NBEA: variants seen among roughly 807,000 people sequenced by gnomAD.
NBEA encodes neurobeachin, also known as lysosomal-trafficking regulator 2.
A neutral mutation model predicts 343.4 loss-of-function variants in NBEA; 44 were observed. That is an observed-to-expected ratio of 0.13 (90% confidence interval 0.10 to 0.16). NBEA has a LOEUF of 0.16. Ranked by LOEUF, NBEA falls within the 10% of genes least tolerant of loss-of-function variation. The pLI, the probability that NBEA is intolerant of heterozygous loss-of-function variation, is 1.00. For synonymous variants in NBEA, 1,175 were observed against 1,238.7 expected (o/e 0.95, Z 1.08); for missense variants, 2,555 against 3,631.3 (o/e 0.70, Z 7.62).
At chr13:35,054,617 T>G (rs1449967977) in intron 6 of NBEA, among the ~76,000 whole-genome samples, 27 of 151,468 alleles carry the variant, frequency 1.8e-4, no homozygotes, top group Admixed American at 1.8e-3. Flanking sequence ...ATACACTGTT[T>G]TTTTTTTCTT....
intron 41 of NBEA, among the ~76,000 whole-genome samples, chr13:35,549,906 A>C (rs1355235349): frequency 6.6e-6 from 1 of 152,206 alleles, no homozygotes; most frequent in Non-Finnish European, 1.5e-5. Flanking sequence ...TTTTGTTGGA[A>C]TACTTCCATA....
intron 1 of NBEA, among the ~76,000 whole-genome samples, chr13:35,030,701 C>A (rs1222845108): frequency 2.6e-5 from 4 of 151,626 alleles, no homozygotes; most frequent in Non-Finnish European, 5.9e-5. Context: ...CAGCAGTTAG[C>A]CTCTTTAACA....
At chr13:34,981,228 A>G (rs1265540608) in intron 1 of NBEA, among the ~76,000 whole-genome samples, 1 of 151,924 alleles carries the variant, frequency 6.6e-6, no homozygotes, top group East Asian at 1.9e-4. Context: ...AGGCTCATCT[A>G]TTTTCCTTTT....
intron 31 of NBEA, among the ~76,000 whole-genome samples, chr13:35,207,228 G>C (rs1258820719): frequency 1.3e-5 from 2 of 151,466 alleles, no homozygotes; most frequent in Non-Finnish European, 2.9e-5. Flanking sequence ...ACTTATTTGT[G>C]GAAAAAAAAG....
chr13:34,986,943 C>T (rs1337469374), intron 1 of NBEA, among the ~76,000 whole-genome samples: 6 of 150,960 alleles, frequency 4.0e-5, no homozygotes, highest in African/African-American at 1.2e-4. Context: ...ATACAGCACA[C>T]TGATGGGTCT....
chr13:35,526,641 A>T (rs954201254), intron 41 of NBEA, among the ~76,000 whole-genome samples: 1 of 152,106 alleles, frequency 6.6e-6, no homozygotes, highest in Non-Finnish European at 1.5e-5. Flanking sequence ...GCTTGGGCCC[A>T]CTGGGCTTGT....
chr13:35,079,297 G>A (rs899679022), intron 10 of NBEA, among the ~76,000 whole-genome samples: 1 of 152,102 alleles, frequency 6.6e-6, no homozygotes, highest in African/African-American at 2.4e-5. Flanking sequence ...CTGTATATGT[G>A]CCTTCTTTTG....
At chr13:35,438,401 G>T (rs193011250) in intron 39 of NBEA, among the ~76,000 whole-genome samples, 444 of 152,254 alleles carry the variant, frequency 2.9e-3, no homozygotes, top group Middle Eastern at 0.014. Flanking sequence ...AGTGAGAATA[G>T]AAAAATACTA....
chr13:35,224,603 T>G (rs965147380), intron 33 of NBEA, among the ~76,000 whole-genome samples: 6 of 152,298 alleles, frequency 3.9e-5, no homozygotes, highest in Admixed American at 6.5e-5. Flanking sequence ...TACCATTGTT[T>G]CTTCTTTACA....
chr13:35,213,202 A>G (rs1028050902), intron 33 of NBEA, among the ~76,000 whole-genome samples: 5 of 152,044 alleles, frequency 3.3e-5, no homozygotes, highest in Admixed American at 2.6e-4. Flanking sequence ...AAGATGACCC[A>G]GCACCATTTA....
chr13:34,960,782 G>C (rs539425881), intron 1 of NBEA, among the ~76,000 whole-genome samples: 1 of 152,020 alleles, frequency 6.6e-6, no homozygotes, highest in East Asian at 1.9e-4. Context: ...AGTACACTCT[G>C]ATATTTGTAC....
At chr13:35,085,503 T>C (rs1306016416) in intron 10 of NBEA, among the ~76,000 whole-genome samples, 6 of 152,144 alleles carry the variant, frequency 3.9e-5, no homozygotes, top group Admixed American at 3.9e-4. Context: ...TCTCAATAGA[T>C]GCAGAAAAGA....
intron 41 of NBEA, among the ~76,000 whole-genome samples, chr13:35,522,184 C>T (rs1156942567): frequency 6.6e-6 from 1 of 151,674 alleles, no homozygotes; most frequent in Non-Finnish European, 1.5e-5. Flanking sequence ...TGGCTGGGCA[C>T]GGTGGCTCAT....
At chr13:35,137,974 T>G (rs1269130383) in intron 17 of NBEA, among the ~76,000 whole-genome samples, 1 of 152,070 alleles carries the variant, frequency 6.6e-6, no homozygotes, top group East Asian at 1.9e-4. Flanking sequence ...GGAAAATATT[T>G]GTAAATGAGT....
chr13:35,198,560 A>G (rs1308385276), intron 31 of NBEA, among the ~76,000 whole-genome samples: 1 of 152,166 alleles, frequency 6.6e-6, no homozygotes, highest in Non-Finnish European at 1.5e-5. Flanking sequence ...TTTAAGAAAA[A>G]TACAGCTTTT....
intron 26 of NBEA, among the ~76,000 whole-genome samples, 174 bp from the exon 27 acceptor site, chr13:35,173,290 G>C (rs1345229536): frequency 6.6e-6 from 1 of 151,838 alleles, no homozygotes; most frequent in Non-Finnish European, 1.5e-5. Context: ...TATTTTGTAG[G>C]TACTTTCACT....
At chr13:35,177,173 A>G (rs537121099) in intron 28 of NBEA, 70 bp downstream of exon 28, 18 of 1,210,636 alleles carry the variant, frequency 1.5e-5, no homozygotes, top group Admixed American at 2.1e-5. Flanking sequence ...ACGTTTTATA[A>G]GAAAGCTGCT....
At chr13:35,193,388 A>G (rs987206252) in intron 30 of NBEA, among the ~76,000 whole-genome samples, 1 of 151,926 alleles carries the variant, frequency 6.6e-6, no homozygotes, top group African/African-American at 2.4e-5. Flanking sequence ...TAAATATCTT[A>G]GAGATTCTGT....
At chr13:35,135,865 T>C (rs2067694572) in intron 17 of NBEA, among the ~76,000 whole-genome samples, 1 of 151,904 alleles carries the variant, frequency 6.6e-6, no homozygotes, top group South Asian at 2.1e-4. Context: ...AACTTCTGGA[T>C]TGAAGGTGGA....
Sources: gnomAD v4.1 joint callset for allele counts (sites outside exome capture counted in the v4.1 genomes callset) on GRCh38, gnomAD v4.1.1 for gene constraint, MANE v1.5 for transcripts, NCBI Gene and HGNC (gene_info 2026-07-23, HGNC 2026-07-21) for gene names.